Variants in ZNF205 observed in about 807,000 individuals in gnomAD.
The protein encoded by ZNF205 is zinc finger protein 205, also known as transcriptional repressor RHIT.
ZNF205 carries 32 observed loss-of-function variants against 53.6 expected under a neutral mutation model. The ratio of observed to expected loss-of-function variants is 0.60; its 90% confidence interval spans 0.45 to 0.80. The LOEUF is 0.80. ZNF205 is among the 30% of genes least tolerant of loss of function. The pLI is 0.00. For synonymous variants in ZNF205, 382 were observed against 334.3 expected (o/e 1.14, Z -1.56); for missense variants, 836 against 782.4 (o/e 1.07, Z -0.82).
At position 3,119,769 on chromosome 16, in the gene ZNF205, G is replaced by C. The variant is rs1315568920; in HGVS notation, c.1109G>C (p.Arg370Pro). ...AAGCCCTACACCTGCCCCGCCTGCCGGAAGAGCTTCAGCCACCACTCCACG... is the reference window on the plus strand; with the variant it reads ...AAGCCCTACACCTGCCCCGCCTGCCCGAAGAGCTTCAGCCACCACTCCACG... Reference protein sequence around the residue: ...GEKPYTCPACRKSFSHHSTLI... With the variant: ...GEKPYTCPACPKSFSHHSTLI... The change falls in exon 7 of 7, where the codon CGG becomes CCG. Residue 370 changes from arginine (R) to proline (P), a missense_variant. By Grantham distance (103) the Arg-to-Pro change is moderately radical (BLOSUM62 -2). Transcript: ENST00000219091. 1 of 1,613,690 alleles carries C rather than the reference G, an allele frequency of 6.2e-7. No homozygotes were observed. The highest frequency in any genetic ancestry group is 1.3e-5 in the African/African-American group (1 of 74,956).
rs529669897 is a variant in ZNF205, at chr16:3,115,672, G to T, written c.271+104G>T. 39 of 1,411,826 alleles carry T rather than the reference G, an allele frequency of 2.8e-5. No individual in the cohort carries two copies. The South Asian group carries it at 4.7e-4, about 17-fold the overall frequency. 87.5% of individuals were successfully genotyped at this position (1,411,826 alleles called of 1,614,324 possible). On this transcript the variant is annotated intron_variant, in intron 3 of 6. Coordinates refer to ENST00000219091, the MANE Select transcript of ZNF205 (RefSeq NM_001042428.2). ...GGGCTGAGGGTCTCTATGCCAGCAG[G>T]GGACGCTATCCCCCCATGGCCCACA...
chr16:3,120,068 C>T lies in ZNF205; in HGVS notation c.1408C>T (p.His470Tyr), dbSNP rs1013526575. The change falls in exon 7 of 7, where the codon CAC (histidine) becomes TAC (tyrosine). Residue 470 changes from histidine (H) to tyrosine (Y), a missense_variant. Coordinates refer to ENST00000219091, the MANE Select transcript of ZNF205 (RefSeq NM_001042428.2). ...RSNLIAHNRT[H>Y]TGEKPYHCLD... Reference sequence around the variant, plus strand: ...CAACCTCATCGCGCACAACCGCACACACACAGGCGAGAAGCCCTACCACTG... The same window carrying T: ...CAACCTCATCGCGCACAACCGCACATACACAGGCGAGAAGCCCTACCACTG... 6.2e-7 allele frequency: 1 copy of T among 1,613,928 alleles called. No homozygotes were observed. The highest frequency in any genetic ancestry group is 2.2e-5 in the East Asian group (1 of 44,876).
chr16:3,117,228 T>C (rs1388740183), intron 5 of ZNF205, among the ~76,000 whole-genome samples: 2 of 152,170 alleles, frequency 1.3e-5, no homozygotes, highest in East Asian at 3.8e-4. Flanking sequence ...TATAGCTCCA[T>C]CTTCCTTTCC....
chr16:3,112,679 C>A lies in ZNF205; in HGVS notation c.-18C>A. On this transcript the variant is annotated 5_prime_UTR_variant, in exon 1 of 7. Transcript: ENST00000219091. ...CCGCAGGTGCCCCCTCTGCCTCCACCCCGGTGAGAAGGGGGTGCTGGGGAG... is the reference window on the plus strand; with the variant it reads ...CCGCAGGTGCCCCCTCTGCCTCCACACCGGTGAGAAGGGGGTGCTGGGGAG... The A allele has an allele frequency of 3.3e-6, 1 of 302,696 alleles. No individual in the cohort carries two copies. Among genetic ancestry groups the A allele is most frequent in the South Asian group, 2.9e-5 (1 of 34,824 alleles). 18.8% of individuals were successfully genotyped at this position (302,696 alleles called of 1,614,324 possible).
chr16:3,119,227 C>G, intron 6 of ZNF205, 29 bp from the exon 7 acceptor site: 1 of 1,552,168 alleles, frequency 6.4e-7, no homozygotes, highest in Non-Finnish European at 8.7e-7. Context: ...GAAGCTCGTC[C>G]CTAGCTGGAA....
intron 2 of ZNF205, chr16:3,115,075 T>G: frequency 3.3e-6 from 1 of 298,658 alleles, no homozygotes; most frequent in Non-Finnish European, 6.2e-6. Flanking sequence ...CTTCATACAC[T>G]AATAGACAGC....
intron 5 of ZNF205, 152 bp downstream of exon 5, chr16:3,116,699 T>C (rs913153563): frequency 8.2e-7 from 1 of 1,226,048 alleles, no homozygotes; most frequent in Non-Finnish European, 1.1e-6. Context: ...ATGATGGAAA[T>C]GTTCTGTGTG....
chr16:3,120,306 C>T lies in ZNF205; in HGVS notation c.1646C>T (p.Pro549Leu). ...GAAAAGALAT[P>L]PPAPT ...GCGGCGGCGGGGGCTCTGGCCACACCCCCACCCGCTCCCACCTAGGAGGCC... is the reference window on the plus strand; with the variant it reads ...GCGGCGGCGGGGGCTCTGGCCACACTCCCACCCGCTCCCACCTAGGAGGCC... Residue 549 changes from proline to leucine, a missense_variant, in exon 7 of 7, where the codon CCC (proline) becomes CTC (leucine). Coordinates refer to ENST00000219091, the MANE Select transcript of ZNF205 (RefSeq NM_001042428.2). The T allele has an allele frequency of 6.4e-7, 1 of 1,568,740 alleles. No individual in the cohort carries two copies. Among genetic ancestry groups the T allele is most frequent in the African/African-American group, 1.3e-5 (1 of 74,112 alleles).
Position 3,119,821 on chromosome 16 carries a change from C to A in ZNF205, c.1161C>A (p.Thr387=). 1.2e-6 allele frequency: 2 copies of A among 1,613,020 alleles called. No homozygotes were observed. Among genetic ancestry groups the A allele is most frequent in the African/African-American group, 1.3e-5 (1 of 74,724 alleles). Residue 387 remains threonine (T), a synonymous_variant, in exon 7 of 7, where the codon ACC becomes ACA. Coordinates refer to ENST00000219091, the MANE Select transcript of ZNF205 (RefSeq NM_001042428.2). ...TGATTCAGCACCAGCGCATCCACAC[C>A]GGAGAGAAGCCCTACGTGTGCGACC... The part of the protein sequence containing the change: ...STLIQHQRIH[T]GEKPYVCDRC...
At chr16:3,116,746 G>A (rs1957351570) in intron 5 of ZNF205, among the ~76,000 whole-genome samples, 199 bp downstream of exon 5, 1 of 152,216 alleles carries the variant, frequency 6.6e-6, no homozygotes, top group African/African-American at 2.4e-5. Flanking sequence ...TGTGGCTACT[G>A]AGCACTTGAA....
At chr16:3,115,965 T>G (rs1477410699) in intron 4 of ZNF205, 45 bp downstream of exon 4, 1 of 1,574,370 alleles carries the variant, frequency 6.4e-7, no homozygotes, top group Admixed American at 1.8e-5. Flanking sequence ...CAGCCCTTCC[T>G]GCATCTGCTG....
chr16:3,119,073 G>A (rs551671309), intron 6 of ZNF205, 58 bp downstream of exon 6: 16 of 1,586,740 alleles, frequency 1.0e-5, no homozygotes, highest in South Asian at 1.1e-5. Context: ...CAGGCCTTCT[G>A]GCTGTTGTCT....
intron 2 of ZNF205, among the ~76,000 whole-genome samples, chr16:3,114,051 C>G (rs1457587745): frequency 6.6e-6 from 1 of 152,112 alleles, no homozygotes; most frequent in African/African-American, 2.4e-5. Flanking sequence ...CCATTTCCAC[C>G]TGTCTCGCAG....
chr16:3,120,443 G>A lies in ZNF205; in HGVS notation c.*118G>A, dbSNP rs2151233643. 17 of 1,223,126 alleles carry A rather than the reference G, an allele frequency of 1.4e-5. No homozygotes were observed. The South Asian group carries it at 2.7e-4, about 19-fold the overall frequency. The allele number at this position is 1,223,126 out of a possible 1,614,324, so 75.8% of individuals were successfully genotyped here. A position where few individuals can be genotyped will look rare whatever the true frequency, so the allele number is the denominator to read the frequency against. On this transcript the variant is annotated 3_prime_UTR_variant, in exon 7 of 7. Coordinates refer to ENST00000219091, the MANE Select transcript of ZNF205 (RefSeq NM_001042428.2). ...GGAGCTGGGGCGGTGAGGGCATGGG[G>A]TGAGGCATGGCGATGGGGGAGGGCG...
At chr16:3,119,193 C>T (rs1957385220) in intron 6 of ZNF205, 63 bp from the exon 7 acceptor site, 1 of 1,524,550 alleles carries the variant, frequency 6.6e-7, no homozygotes, top group South Asian at 1.3e-5. Flanking sequence ...GCTCTGCCTT[C>T]TCCACCCTCC....
chr16:3,117,996 C>T (rs1341192838), intron 5 of ZNF205, among the ~76,000 whole-genome samples: 3 of 149,878 alleles, frequency 2.0e-5, no homozygotes, highest in Non-Finnish European at 4.4e-5. Flanking sequence ...CTACAGGTGC[C>T]CACCACCATG....
chr16:3,119,527 C>T lies in ZNF205; in HGVS notation c.867C>T (p.Ala289=). ...PEKPNEEEKG[A]PESGEEGLAP... ...AGCCCAACGAGGAGGAGAAGGGCGC[C>T]CCGGAGAGTGGCGAGGAGGGCCTGG... The change falls in exon 7 of 7, where the codon GCC becomes GCT. Residue 289 remains alanine (A), a synonymous_variant. Transcript: ENST00000219091. 1 of 1,604,274 alleles carries T rather than the reference C, an allele frequency of 6.2e-7. No individual in the cohort carries two copies. The highest frequency in any genetic ancestry group is 1.1e-5 in the South Asian group (1 of 89,978).
chr16:3,118,097 C>T (rs925326649), intron 5 of ZNF205, among the ~76,000 whole-genome samples: 4 of 146,262 alleles, frequency 2.7e-5, no homozygotes, highest in Non-Finnish European at 4.5e-5. Context: ...CTCCTGACCT[C>T]GTGATCCGCC....
At chr16:3,115,973 C>A in intron 4 of ZNF205, 53 bp downstream of exon 4, 1 of 1,564,756 alleles carries the variant, frequency 6.4e-7, no homozygotes, top group East Asian at 2.3e-5. Flanking sequence ...CCTGCATCTG[C>A]TGGTTCTGTG....
Sources: gnomAD v4.1 joint callset for allele counts (sites outside exome capture counted in the v4.1 genomes callset) on GRCh38, gnomAD v4.1.1 for gene constraint, MANE v1.5 for transcripts, NCBI Gene and HGNC (gene_info 2026-07-23, HGNC 2026-07-21) for gene names.